Variants in DDX47 observed in about 807,000 individuals in gnomAD.
DDX47 encodes the protein DEAD-box helicase 47.
A neutral mutation model predicts 58.8 loss-of-function variants in DDX47; 60 were observed. That is an observed-to-expected ratio of 1.02 (90% CI 0.83 to 1.26). The LOEUF is 1.26. Ranked by LOEUF, DDX47 falls within the 50% of genes most tolerant of loss-of-function variation. The pLI is 0.00. For missense variants in DDX47, 530 were observed against 573.2 expected, an observed-to-expected ratio of 0.92 and a Z score of 0.77; for synonymous variants, 197 against 204.6, an observed-to-expected ratio of 0.96 and a Z score of 0.32.
chr12:12,819,612 G>T (rs1862941043), intron 2 of DDX47, among the ~76,000 whole-genome samples: 1 of 152,034 alleles, frequency 6.6e-6, no homozygotes, highest in African/African-American at 2.4e-5. Flanking sequence ...CTGGTTTTTA[G>T]ACATATCTCT....
chr12:12,813,442 A>T lies in DDX47; in HGVS notation c.75A>T (p.Thr25=), dbSNP rs1862845489. The T allele has an allele frequency of 6.2e-7, 1 of 1,610,922 alleles. No homozygotes were observed. Among genetic ancestry groups the T allele is most frequent in the African/African-American group, 1.3e-5 (1 of 74,814 alleles). ...QPIVEEEETK[T]FKDLGVTDVL... ...TTGTGGAAGAGGAGGAAACTAAAAC[A>T]TTTAAAGACCTGGTGAGAATGGATG... Residue 25 remains threonine (T), a synonymous_variant, in exon 1 of 12, where the codon ACA becomes ACT. Transcript: ENST00000358007.
At chr12:12,823,137 C>A in intron 6 of DDX47, 66 bp from the exon 7 acceptor site, 2 of 1,068,486 alleles carry the variant, frequency 1.9e-6, no homozygotes, top group Non-Finnish European at 1.5e-6. Context: ...GGACACAGAG[C>A]CAAACCATGT....
In DDX47 at chr12:12,823,875, C is replaced by G. The variant is rs1270530653; in HGVS notation, c.756C>G (p.Thr252=). 38 of 1,613,186 alleles carry G rather than the reference C, an allele frequency of 2.4e-5. No homozygotes were observed. Among genetic ancestry groups the G allele is most frequent in the Non-Finnish European group, 3.2e-5 (38 of 1,179,692 alleles). ...YIFIPSKFKD[T]YLVYILNELA... ...GTTTTGGGTTTGTAACTTAGGATACCTACCTGGTTTATATTCTAAATGAAT... is the reference window on the plus strand; with the variant it reads ...GTTTTGGGTTTGTAACTTAGGATACGTACCTGGTTTATATTCTAAATGAAT... Residue 252 remains threonine (T), a synonymous_variant, in exon 8 of 12, where the codon ACC becomes ACG. Transcript: ENST00000358007.
chr12:12,814,617 C>G (rs1396368619), intron 2 of DDX47: 4 of 167,836 alleles, frequency 2.4e-5, no homozygotes, highest in African/African-American at 9.6e-5. Flanking sequence ...GTGGTTAAAG[C>G]AGATTGATGG....
intron 8 of DDX47, 160 bp downstream of exon 8, chr12:12,824,176 C>G (rs1383714434): frequency 5.6e-5 from 51 of 910,734 alleles, no homozygotes; most frequent in Non-Finnish European, 6.1e-5. Context: ...TACTTACTTT[C>G]TCCTTTCAGG....
chr12:12,827,140 T>C, intron 10 of DDX47, 106 bp from the exon 11 acceptor site: 1 of 1,363,680 alleles, frequency 7.3e-7, no homozygotes, highest in Non-Finnish European at 1.0e-6. Flanking sequence ...TTCAATATTG[T>C]TTAAACCTAT....
intron 7 of DDX47, 56 bp from the exon 8 acceptor site, chr12:12,823,814 C>T: frequency 6.4e-7 from 1 of 1,562,220 alleles, no homozygotes; most frequent in Non-Finnish European, 8.7e-7. Flanking sequence ...TATGCCAGGT[C>T]TCCAATCCTG....
chr12:12,825,844 G>C (rs752264483), intron 9 of DDX47, among the ~76,000 whole-genome samples, 156 bp from the exon 10 acceptor site: 4 of 152,212 alleles, frequency 2.6e-5, no homozygotes, highest in Non-Finnish European at 4.4e-5. Flanking sequence ...AGATGAAGTA[G>C]ATTTGTCTCA....
intron 2 of DDX47, among the ~76,000 whole-genome samples, chr12:12,817,189 G>A (rs1862910180): frequency 6.6e-6 from 1 of 152,174 alleles, no homozygotes; most frequent in African/African-American, 2.4e-5. Context: ...TTCAGTTTCT[G>A]CAAAGTTACT....
chr12:12,829,496 C>A lies in DDX47; in HGVS notation c.1310C>A (p.Ala437Asp). The change falls in exon 12 of 12, where the codon GCT (alanine) becomes GAT (aspartate). Residue 437 changes from alanine (A) to aspartate (D), a missense_variant. Coordinates refer to ENST00000358007, the MANE Select transcript of DDX47 (RefSeq NM_016355.4). ...GGAGATAATGATGACACAGAGGGTG[C>A]TATTGGTGTCAGGAACAAGGTGGCT... is the stretch of plus-strand genomic sequence containing the variant. ...DAGDNDDTEG[A>D]IGVRNKVAGG... is the part of the protein sequence containing the mutation. 1 of 1,613,688 alleles carries A rather than the reference C, an allele frequency of 6.2e-7. No individual in the cohort carries two copies. Among genetic ancestry groups the A allele is most frequent in the Non-Finnish European group, 8.5e-7 (1 of 1,179,802 alleles).
intron 2 of DDX47, chr12:12,814,673 T>A (rs988968953): frequency 5.1e-5 from 8 of 156,434 alleles, no homozygotes; most frequent in Non-Finnish European, 8.5e-5. Flanking sequence ...CTTTTTGAGA[T>A]CTTTTTTTTA....
intron 2 of DDX47, among the ~76,000 whole-genome samples, chr12:12,820,123 A>C (rs1270053084): frequency 1.3e-5 from 2 of 152,208 alleles, no homozygotes; most frequent in African/African-American, 4.8e-5. Flanking sequence ...GTGCATAGCT[A>C]CCTCATGGGC....
chr12:12,826,711 T>C (rs1471249127), intron 10 of DDX47, among the ~76,000 whole-genome samples: 1 of 152,092 alleles, frequency 6.6e-6, no homozygotes, highest in African/African-American at 2.4e-5. Flanking sequence ...TAGCCTCTCA[T>C]AGTGCTGGGA....
In DDX47 at chr12:12,829,537, A is replaced by T; in HGVS notation, c.1351A>T (p.Lys451Ter). The T allele has an allele frequency of 6.2e-7, 1 of 1,613,850 alleles. No homozygotes were observed. The highest frequency in any genetic ancestry group is 8.5e-7 in the Non-Finnish European group (1 of 1,179,874). ...CAAGGTGGCTGGAGGAAAAATGAAG[A>T]AGCGGAAAGGCCGTTAATCACTTTT... is the stretch of plus-strand genomic sequence containing the variant. ...RNKVAGGKMK[K>*]RKGR is the part of the protein sequence containing the mutation. Residue 451 changes from lysine to a stop codon, truncating the protein, a stop_gained, in exon 12 of 12, where the codon AAG becomes TAG. Transcript: ENST00000358007. LOFTEE classifies it high-confidence loss of function.
intron 10 of DDX47, 22 bp from the exon 11 acceptor site, chr12:12,827,224 C>T (rs1226270059): frequency 6.2e-7 from 1 of 1,611,634 alleles, no homozygotes; most frequent in African/African-American, 1.3e-5. Flanking sequence ...GCAACCAGAG[C>T]TGTGCAGTTT....
rs1863040138 is a variant in DDX47, at chr12:12,825,577, CTG to C, written c.1036-421_1036-420del. Among the ~76,000 whole-genome samples the C allele has an allele frequency of 7.2e-5, 11 of 152,250 alleles. No individual in the cohort carries two copies. The South Asian group carries it at 2.1e-3, about 29-fold the overall frequency. ...GTCTCATTTGATTTTCATAACAACT[CTG>C]TAATATGGGCATGTATTTCTATTCC... On this transcript the variant is annotated intron_variant, in intron 9 of 11. Coordinates refer to ENST00000358007, the MANE Select transcript of DDX47 (RefSeq NM_016355.4).
At chr12:12,821,764 T>C (rs1395163173) in intron 4 of DDX47, 38 bp downstream of exon 4, 1 of 1,504,920 alleles carries the variant, frequency 6.6e-7, no homozygotes, top group African/African-American at 1.4e-5. Context: ...CTGGCAGTGA[T>C]GAATTGGAGA....
At chr12:12,817,773 C>G (rs73285352) in intron 2 of DDX47, among the ~76,000 whole-genome samples, 18,789 of 152,004 alleles carry the variant, frequency 0.12, 1,246 homozygotes, top group African/African-American at 0.17. Flanking sequence ...AAGGAGATGA[C>G]GTAGAAAAAT....
At chr12:12,818,749 C>A (rs1862930843) in intron 2 of DDX47, among the ~76,000 whole-genome samples, 1 of 151,934 alleles carries the variant, frequency 6.6e-6, no homozygotes, top group African/African-American at 2.4e-5. Flanking sequence ...CTGTGGAGGC[C>A]CCAGAATCAT....
Sources: gnomAD v4.1 joint callset for allele counts (sites outside exome capture counted in the v4.1 genomes callset) on GRCh38, gnomAD v4.1.1 for gene constraint, MANE v1.5 for transcripts, NCBI Gene and HGNC (gene_info 2026-07-23, HGNC 2026-07-21) for gene names.